The following AGMO variants were observed in gnomAD, a reference collection of about 807,000 sequenced individuals.
AGMO encodes glyceryl-ether monooxygenase.
Under a neutral mutation model 60.2 loss-of-function variants are expected in AGMO, and 75 were observed. The observed-to-expected ratio is 1.25, with a 90% CI of 1.03 to 1.51. AGMO has a LOEUF of 1.51. AGMO is among the 40% of genes most tolerant of loss of function. The probability of loss-of-function intolerance (pLI) is 0.00; values close to 1 mark genes in which losing one functional copy is unlikely to be tolerated. For missense variants in AGMO, 763 were observed against 525.5 expected (o/e 1.45, Z -4.42); for synonymous variants, 261 against 177.1 (o/e 1.47, Z -3.76).
chr7:15,489,035 C>A (rs1217828768), intron 3 of AGMO, among the ~76,000 whole-genome samples: 1 of 152,072 alleles, frequency 6.6e-6, no homozygotes, highest in Non-Finnish European at 1.5e-5. Context: ...TGATAAAATA[C>A]AAGGATTCTT....
intron 6 of AGMO, among the ~76,000 whole-genome samples, chr7:15,393,912 T>TCCCCC (rs1784254512): frequency 6.8e-6 from 1 of 147,060 alleles, no homozygotes; most frequent in African/African-American, 2.5e-5. Context: ...TAAATCCCCC[T>TCCCCC]ACCCCACCCC....
chr7:15,181,601 G>C, the AGMO span, among the ~76,000 whole-genome samples: 6 of 152,044 alleles, frequency 3.9e-5, no homozygotes, highest in Non-Finnish European at 8.8e-5. Context: ...AAGGAGATAA[G>C]CTTGTAGGTT....
intron 3 of AGMO, among the ~76,000 whole-genome samples, chr7:15,497,072 A>T (rs1263913721): frequency 3.3e-5 from 5 of 152,170 alleles, no homozygotes; most frequent in African/African-American, 9.6e-5. Context: ...AGAAGAAGAT[A>T]TGAGCTGGAA....
intron 12 of AGMO, among the ~76,000 whole-genome samples, chr7:15,245,738 T>C (rs1782720640): frequency 6.6e-6 from 1 of 152,206 alleles, no homozygotes; most frequent in Non-Finnish European, 1.5e-5. Flanking sequence ...TAGTTAAAAA[T>C]ATTATTTAAT....
chr7:15,318,497 A>G (rs1324910475), intron 12 of AGMO, among the ~76,000 whole-genome samples: 1 of 152,146 alleles, frequency 6.6e-6, no homozygotes, highest in Non-Finnish European at 1.5e-5. Context: ...CCTAATCCAC[A>G]TGGTCAAATA....
At chr7:15,514,735 G>C (rs1340490129) in intron 3 of AGMO, among the ~76,000 whole-genome samples, 1 of 152,142 alleles carries the variant, frequency 6.6e-6, no homozygotes, top group Admixed American at 6.5e-5. Context: ...AGTATACTTT[G>C]CATGAATAAT....
downstream of AGMO, among the ~76,000 whole-genome samples, chr7:15,198,084 T>C (rs1443112373): frequency 1.3e-5 from 2 of 152,154 alleles, no homozygotes; most frequent in East Asian, 3.9e-4. Flanking sequence ...CCTCTATCTT[T>C]TCTTATGGTA....
intron 12 of AGMO, among the ~76,000 whole-genome samples, chr7:15,257,894 T>G (rs1464913585): frequency 1.3e-5 from 2 of 152,204 alleles, no homozygotes; most frequent in African/African-American, 4.8e-5. Flanking sequence ...ATAAAGCTGC[T>G]TCTTAGAGCC....
At chr7:15,515,449 G>C (rs1401088316) in intron 3 of AGMO, among the ~76,000 whole-genome samples, 2 of 152,136 alleles carry the variant, frequency 1.3e-5, no homozygotes, top group Non-Finnish European at 2.9e-5. Context: ...AGTTCAACTT[G>C]AAATCCCAGA....
intron 12 of AGMO, among the ~76,000 whole-genome samples, chr7:15,242,339 G>A (rs1279328559): frequency 1.3e-5 from 2 of 152,120 alleles, no homozygotes; most frequent in Non-Finnish European, 2.9e-5. Context: ...TCCAGATAGT[G>A]AGAACTAAAT....
At chr7:15,215,423 T>C (rs1327486996) in intron 12 of AGMO, among the ~76,000 whole-genome samples, 2 of 151,950 alleles carry the variant, frequency 1.3e-5, no homozygotes, top group Non-Finnish European at 1.5e-5. Flanking sequence ...ACCTGAAGAC[T>C]CAACACAGCT....
chr7:15,388,174 A>C (rs923112420), intron 8 of AGMO, among the ~76,000 whole-genome samples: 2 of 152,218 alleles, frequency 1.3e-5, no homozygotes, highest in African/African-American at 4.8e-5. Flanking sequence ...ATTATAAAAA[A>C]TAATTTAAAA....
intron 2 of AGMO, among the ~76,000 whole-genome samples, chr7:15,547,176 A>AAAT (rs1784804891): frequency 7.1e-6 from 1 of 141,296 alleles, no homozygotes; most frequent in Non-Finnish European, 1.6e-5. Context: ...TAGATTTAGG[A>AAAT]CCCTTCCTTC....
the AGMO span, among the ~76,000 whole-genome samples, chr7:15,137,512 G>T: frequency 2.6e-5 from 4 of 152,168 alleles, no homozygotes; most frequent in Non-Finnish European, 5.9e-5. Flanking sequence ...AAGTTTTAGG[G>T]GAAGGAGGGC....
the AGMO span, among the ~76,000 whole-genome samples, chr7:15,126,301 G>A: frequency 6.6e-6 from 1 of 152,140 alleles, no homozygotes; most frequent in African/African-American, 2.4e-5. Flanking sequence ...TTTGTATAAT[G>A]GAGCCTACAC....
the AGMO span, among the ~76,000 whole-genome samples, chr7:15,165,738 C>T: frequency 2.6e-5 from 4 of 151,912 alleles, no homozygotes; most frequent in African/African-American, 4.8e-5. Context: ...GGATATAACA[C>T]GTGGTTAATT....
At chr7:15,269,383 A>G (rs950177392) in intron 12 of AGMO, among the ~76,000 whole-genome samples, 6 of 152,102 alleles carry the variant, frequency 3.9e-5, no homozygotes, top group African/African-American at 1.4e-4. Flanking sequence ...TAAAAAGGCA[A>G]GTGAGCACAT....
chr7:15,561,497 G>T (rs1433452484), intron 1 of AGMO, among the ~76,000 whole-genome samples: 1 of 152,200 alleles, frequency 6.6e-6, no homozygotes, highest in Non-Finnish European at 1.5e-5. Context: ...ATATTCTGGA[G>T]TGACATATAA....
At chr7:15,275,082 G>T (rs1037152444) in intron 12 of AGMO, among the ~76,000 whole-genome samples, 3 of 151,140 alleles carry the variant, frequency 2.0e-5, no homozygotes, top group African/African-American at 7.3e-5. Context: ...CTTTTCTTTT[G>T]CTAGCTGTGG....
Sources: allele counts gnomAD v4.1 joint callset (sites outside exome capture counted in the v4.1 genomes callset), GRCh38; gene constraint gnomAD v4.1.1; transcripts MANE v1.5; gene names NCBI Gene and HGNC (gene_info 2026-07-23, HGNC 2026-07-21).